The following TRAF2 variants were observed in gnomAD, a reference collection of about 807,000 sequenced individuals.
TRAF2 encodes TNF receptor-associated factor 2.
A neutral mutation model predicts 55.6 loss-of-function variants in TRAF2; 6 were observed. That is an observed-to-expected ratio of 0.11 (90% CI 0.06 to 0.21). The LOEUF (loss-of-function observed/expected upper bound fraction) is 0.21, where lower values mean the gene tolerates loss of function less well. Among genes scored for constraint, TRAF2 ranks in the 10% least tolerant of loss-of-function variants. The pLI is 1.00. For synonymous variants in TRAF2, 329 were observed against 276.3 expected, an observed-to-expected ratio of 1.19 and a Z score of -1.89; for missense variants, 561 against 684.5, an observed-to-expected ratio of 0.82 and a Z score of 2.01.
chr9:136,896,830 G>A (rs1344912638), intron 1 of TRAF2, among the ~76,000 whole-genome samples: 3 of 152,152 alleles, frequency 2.0e-5, no homozygotes, highest in Admixed American at 6.6e-5. Context: ...GGATGGTCCC[G>A]AACTCCTGAT....
At position 136,906,377 on chromosome 9, in the gene TRAF2, T is replaced by C. The variant is rs17243963; in HGVS notation, c.367-1693T>C. On this transcript the variant is annotated intron_variant, in intron 4 of 10. Coordinates refer to ENST00000247668, the MANE Select transcript of TRAF2 (RefSeq NM_021138.4). ...TGTGCCTGGGGAGGCCTCACAATCATGGAGGAAGGCAAAGGAGGAGAAAGG... is the reference window on the plus strand; with the variant it reads ...TGTGCCTGGGGAGGCCTCACAATCACGGAGGAAGGCAAAGGAGGAGAAAGG... Among the ~76,000 whole-genome samples the C allele has an allele frequency of 2.4e-3, 366 of 152,226 alleles. 3 individuals carry two copies. The highest frequency in any genetic ancestry group is 8.4e-3 in the African/African-American group (348 of 41,550).
upstream of TRAF2, among the ~76,000 whole-genome samples, chr9:136,883,816 CT>C (rs1210109805): frequency 6.8e-6 from 1 of 147,390 alleles, no homozygotes; most frequent in African/African-American, 2.5e-5. Context: ...TGTGCCGGGC[CT>C]TTTGTGTATT....
upstream of TRAF2, among the ~76,000 whole-genome samples, chr9:136,883,811 C>T (rs536525013): frequency 1.3e-5 from 2 of 149,358 alleles, no homozygotes; most frequent in South Asian, 2.1e-4. Context: ...GCCACTGTGC[C>T]GGGCCTTTTG....
rs34592255 is a variant in TRAF2, at chr9:136,916,594, C to G, written c.657C>G (p.His219Gln). The change falls in exon 7 of 11, where the codon CAC becomes CAG. Residue 219 changes from histidine (H) to glutamine (Q), a missense_variant. Around this residue, in one of 2 missense-constraint regions of TRAF2, gnomAD observed 426 missense variants for 476.8 expected, o/e 0.89. Coordinates refer to ENST00000247668, the MANE Select transcript of TRAF2 (RefSeq NM_021138.4). ...AGTGTCGAGTCCCTTGCAGATTCCA[C>G]GCCATCGGCTGCCTCGAGACGGTGA... ...CGKCRVPCRFHAIGCLETVEG... is the reference protein window; with the variant it reads ...CGKCRVPCRFQAIGCLETVEG... 1.9e-6 allele frequency: 3 copies of G among 1,613,864 alleles called. No individual in the cohort carries two copies. In the African/African-American group the frequency reaches 4.0e-5, roughly 22 times the overall value.
chr9:136,886,323 G>T, upstream of TRAF2: 2 of 889,150 alleles, frequency 2.2e-6, no homozygotes, highest in Non-Finnish European at 2.7e-6. Flanking sequence ...GCACGCTGCG[G>T]CTCCTGCGGG....
intron 10 of TRAF2, among the ~76,000 whole-genome samples, chr9:136,924,774 C>G (rs551235661): frequency 2.4e-4 from 37 of 152,154 alleles, no homozygotes; most frequent in African/African-American, 8.9e-4. Context: ...GAGTCTTGCT[C>G]TGTCGCCCAG....
At chr9:136,911,196 T>G (rs969966233) in intron 6 of TRAF2, among the ~76,000 whole-genome samples, 4 of 151,812 alleles carry the variant, frequency 2.6e-5, no homozygotes, top group African/African-American at 9.7e-5. Context: ...GTCTGGTGGG[T>G]TTTGTCCCCA....
At chr9:136,919,716 C>T (rs906253984) in intron 7 of TRAF2, among the ~76,000 whole-genome samples, 6 of 110,556 alleles carry the variant, frequency 5.4e-5, no homozygotes, top group Non-Finnish European at 9.1e-5. Context: ...CCTGTCCCGT[C>T]CCTTTTTTCT....
chr9:136,886,234 C>G, upstream of TRAF2: 1 of 224,804 alleles, frequency 4.4e-6, no homozygotes, highest in Non-Finnish European at 7.4e-6. Context: ...CTCCCCGCAC[C>G]AACGCCCCGG....
upstream of TRAF2, among the ~76,000 whole-genome samples, chr9:136,885,672 G>A (rs1157805656): frequency 6.6e-6 from 1 of 152,190 alleles, no homozygotes; most frequent in Non-Finnish European, 1.5e-5. Context: ...GGAGGCTGAG[G>A]CAGGAGAATC....
At chr9:136,906,998 C>T (rs957744616) in intron 4 of TRAF2, among the ~76,000 whole-genome samples, 8 of 152,274 alleles carry the variant, frequency 5.3e-5, no homozygotes, top group Admixed American at 1.3e-4. Context: ...GTCCTGACCC[C>T]TCACATTCGG....
chr9:136,920,341 C>T lies in TRAF2; in HGVS notation c.786C>T (p.Ser262=), dbSNP rs772094707. ...CAAAGCCCCTCTTGGGAGACCAGAGCCACGCGGGGTCAGAGCTCCTGCAGA... is the reference window on the plus strand; with the variant it reads ...CAAAGCCCCTCTTGGGAGACCAGAGTCACGCGGGGTCAGAGCTCCTGCAGA... ...LEAKPLLGDQ[S]HAGSELLQRC... Residue 262 remains serine, a synonymous_variant, in exon 8 of 11, where the codon AGC becomes AGT. Transcript: ENST00000247668. The T allele has an allele frequency of 1.2e-6, 2 of 1,614,068 alleles. No homozygotes were observed. The highest frequency in any genetic ancestry group is 2.2e-5 in the East Asian group (1 of 44,884).
intron 10 of TRAF2, among the ~76,000 whole-genome samples, chr9:136,924,386 C>T (rs569666550): frequency 1.5e-5 from 2 of 137,754 alleles, no homozygotes; most frequent in South Asian, 4.9e-4. Context: ...ATAGTGAGAA[C>T]CCATGTCTAC....
chr9:136,922,922 C>A (rs576829951), intron 9 of TRAF2, among the ~76,000 whole-genome samples: 1 of 81,838 alleles, frequency 1.2e-5, no homozygotes, highest in African/African-American at 4.9e-5. Context: ...TGGGGGCACG[C>A]GGTGGAGGAC....
chr9:136,883,874 T>C (rs963414914), upstream of TRAF2, among the ~76,000 whole-genome samples: 1 of 144,406 alleles, frequency 6.9e-6, no homozygotes, highest in African/African-American at 2.6e-5. Flanking sequence ...CAGGCTGGAG[T>C]GTAGTGGCGC....
At chr9:136,890,649 G>A (rs1175472213) in intron 1 of TRAF2, 3 of 152,220 alleles carry the variant, frequency 2.0e-5, no homozygotes, top group African/African-American at 7.2e-5. Flanking sequence ...CTTCGTGGTG[G>A]TTTTCATTAG....
chr9:136,888,950 C>T (rs976944815), intron 1 of TRAF2, among the ~76,000 whole-genome samples: 4 of 152,096 alleles, frequency 2.6e-5, no homozygotes, highest in Non-Finnish European at 5.9e-5. Context: ...ACTGCAACCT[C>T]TGCCTCCTGG....
intron 9 of TRAF2, 107 bp from the exon 10 acceptor site, chr9:136,923,745 T>G: frequency 8.3e-7 from 1 of 1,205,692 alleles, no homozygotes; most frequent in Non-Finnish European, 1.1e-6. Flanking sequence ...AACCTGAATG[T>G]TTCTTTGTAG....
chr9:136,910,182 C>T (rs1850070825), intron 6 of TRAF2, 188 bp downstream of exon 6: 3 of 643,202 alleles, frequency 4.7e-6, no homozygotes, highest in East Asian at 2.7e-5. Flanking sequence ...GGCCGGGGGC[C>T]AGGTGGCTGA....
Sources: allele counts gnomAD v4.1 joint callset (sites outside exome capture counted in the v4.1 genomes callset), GRCh38; gene constraint gnomAD v4.1.1; regional missense constraint gnomAD v4.1.1; transcripts MANE v1.5; gene names NCBI Gene and HGNC (gene_info 2026-07-23, HGNC 2026-07-21).